Variants in SHISA6 observed in about 807,000 individuals in gnomAD.
The protein encoded by SHISA6 is protein shisa-6.
SHISA6 carries 22 observed loss-of-function variants against 47.9 expected under a neutral mutation model. The ratio of observed to expected loss-of-function variants is 0.46; its 90% CI spans 0.33 to 0.66. The LOEUF is 0.66. Ranked by LOEUF, SHISA6 falls within the 30% of genes least tolerant of loss-of-function variation. The probability of loss-of-function intolerance (pLI) is 0.02; values close to 1 mark genes in which losing one functional copy is unlikely to be tolerated. For synonymous variants in SHISA6, 388 were observed against 337.8 expected, an observed-to-expected ratio of 1.15 and a Z score of -1.63; for missense variants, 680 against 764.6, an observed-to-expected ratio of 0.89 and a Z score of 1.30.
chr17:11,412,970 A>G (rs1914174141), intron 3 of SHISA6, among the ~76,000 whole-genome samples: 1 of 152,164 alleles, frequency 6.6e-6, no homozygotes, highest in Non-Finnish European at 1.5e-5. Context: ...AAGAGGCTGC[A>G]TTGTAATGAG....
At position 11,254,354 on chromosome 17, in the gene SHISA6, T is replaced by C. The variant is rs541591720; in HGVS notation, c.639-9012T>C. ...TTCTGCCCTCAGCACACCTGAAAGATACATGCTGACACAGTCCACATCTAT... is the reference window on the plus strand; with the variant it reads ...TTCTGCCCTCAGCACACCTGAAAGACACATGCTGACACAGTCCACATCTAT... On this transcript the variant is annotated intron_variant, in intron 1 of 5. Transcript: ENST00000441885. Among the ~76,000 whole-genome samples, 19 of 152,330 alleles carry C rather than the reference T, an allele frequency of 1.2e-4. 1 individual carries two copies. The highest frequency in any genetic ancestry group is 3.4e-4 in the African/African-American group (14 of 41,582).
At chr17:11,535,261 T>A (rs1228661868) in intron 3 of SHISA6, among the ~76,000 whole-genome samples, 1 of 152,208 alleles carries the variant, frequency 6.6e-6, no homozygotes, top group Non-Finnish European at 1.5e-5. Flanking sequence ...GAAGCAGTGC[T>A]ATGCATGGAG....
intron 3 of SHISA6, among the ~76,000 whole-genome samples, chr17:11,386,804 G>T (rs992585114): frequency 6.6e-6 from 1 of 152,202 alleles, no homozygotes; most frequent in Non-Finnish European, 1.5e-5. Flanking sequence ...TGTGATCTTT[G>T]CTCAGTGAAA....
chr17:11,401,333 C>T (rs139563691), intron 3 of SHISA6, among the ~76,000 whole-genome samples: 3 of 152,116 alleles, frequency 2.0e-5, no homozygotes, highest in African/African-American at 7.2e-5. Context: ...GTAGCTGGGA[C>T]CACAGACACA....
At chr17:11,506,490 C>G (rs1413369681) in intron 3 of SHISA6, among the ~76,000 whole-genome samples, 1 of 152,134 alleles carries the variant, frequency 6.6e-6, no homozygotes, top group Non-Finnish European at 1.5e-5. Context: ...TTGCCCTAAC[C>G]CCACAAAACC....
intron 3 of SHISA6, among the ~76,000 whole-genome samples, chr17:11,537,644 G>A (rs1303202277): frequency 1.3e-5 from 2 of 152,176 alleles, no homozygotes; most frequent in Admixed American, 6.5e-5. Flanking sequence ...AGAAGAAGAA[G>A]AAGGAAGCTC....
At chr17:11,431,071 C>G (rs1914758794) in intron 3 of SHISA6, among the ~76,000 whole-genome samples, 1 of 152,180 alleles carries the variant, frequency 6.6e-6, no homozygotes, top group Non-Finnish European at 1.5e-5. Context: ...GGGACTGAAG[C>G]ATAGATTATG....
At chr17:11,373,606 ATG>A (rs1380539671) in intron 2 of SHISA6, among the ~76,000 whole-genome samples, 1 of 152,038 alleles carries the variant, frequency 6.6e-6, no homozygotes, top group Non-Finnish European at 1.5e-5. Context: ...AAACAACATA[ATG>A]TGTTATGTTG....
chr17:11,326,361 C>T (rs1238015577), intron 2 of SHISA6, among the ~76,000 whole-genome samples: 1 of 151,960 alleles, frequency 6.6e-6, no homozygotes, highest in Admixed American at 6.6e-5. Flanking sequence ...CCTCTAAAGA[C>T]ATGCACTCTT....
At chr17:11,268,105 C>T (rs374353238) in intron 2 of SHISA6, among the ~76,000 whole-genome samples, 5 of 152,094 alleles carry the variant, frequency 3.3e-5, no homozygotes, top group African/African-American at 1.2e-4. Flanking sequence ...AGATCATGTG[C>T]TGAGGTTACA....
At chr17:11,251,218 T>C (rs1907789537) in intron 1 of SHISA6, among the ~76,000 whole-genome samples, 3 of 147,924 alleles carry the variant, frequency 2.0e-5, no homozygotes, top group African/African-American at 7.5e-5. Context: ...CTGGTTATCA[T>C]AGTGAAAGAC....
intron 3 of SHISA6, among the ~76,000 whole-genome samples, chr17:11,468,973 C>T (rs962736974): frequency 2.4e-5 from 3 of 125,534 alleles, no homozygotes; most frequent in African/African-American, 6.3e-5. Context: ...CCGCCAAGAT[C>T]GTGCCACTGC....
chr17:11,374,354 A>AT (rs374674886), intron 2 of SHISA6, among the ~76,000 whole-genome samples: 11 of 151,470 alleles, frequency 7.3e-5, no homozygotes, highest in Admixed American at 2.6e-4. Context: ...ACAGTTTAAA[A>AT]TTTTTTTTTG....
intron 1 of SHISA6, among the ~76,000 whole-genome samples, chr17:11,246,050 C>T (rs933816243): frequency 6.6e-6 from 1 of 152,132 alleles, no homozygotes; most frequent in African/African-American, 2.4e-5. Context: ...TTTTTTGAAG[C>T]ACTGTGAGCT....
chr17:11,390,718 A>G (rs1353093170), intron 3 of SHISA6, among the ~76,000 whole-genome samples: 1 of 152,174 alleles, frequency 6.6e-6, no homozygotes, highest in Non-Finnish European at 1.5e-5. Flanking sequence ...GTTGTCCCAT[A>G]GCTGAGGAAG....
At chr17:11,320,078 A>G (rs1910659620) in intron 2 of SHISA6, among the ~76,000 whole-genome samples, 1 of 152,228 alleles carries the variant, frequency 6.6e-6, no homozygotes, top group South Asian at 2.1e-4. Context: ...TTCATGTTTA[A>G]TAGATGAACT....
At chr17:11,359,350 A>G (rs1912186340) in intron 2 of SHISA6, among the ~76,000 whole-genome samples, 1 of 152,242 alleles carries the variant, frequency 6.6e-6, no homozygotes. Flanking sequence ...TTTGTTTGCA[A>G]GGAATGCAAA....
At chr17:11,546,974 G>C (rs906379815) in intron 3 of SHISA6, among the ~76,000 whole-genome samples, 1 of 151,994 alleles carries the variant, frequency 6.6e-6, no homozygotes, top group Non-Finnish European at 1.5e-5. Context: ...ATTTAATGTC[G>C]ATAAATGGTA....
chr17:11,437,757 T>C (rs1914978630), intron 3 of SHISA6, among the ~76,000 whole-genome samples: 1 of 152,234 alleles, frequency 6.6e-6, no homozygotes. Flanking sequence ...CATTTTCTTA[T>C]TCCATTGCAT....
Sources: gnomAD v4.1 joint callset for allele counts (sites outside exome capture counted in the v4.1 genomes callset) on GRCh38, gnomAD v4.1.1 for gene constraint, MANE v1.5 for transcripts, NCBI Gene and HGNC (gene_info 2026-07-23, HGNC 2026-07-21) for gene names.